The following SLC4A4 variants were observed in gnomAD, a reference collection of about 807,000 sequenced individuals.
SLC4A4 encodes the protein solute carrier family 4 member 4.
Under a neutral mutation model 111.5 loss-of-function variants are expected in SLC4A4, and 27 were observed. The ratio of observed to expected loss-of-function variants is 0.24; its 90% confidence interval spans 0.18 to 0.33. The LOEUF (loss-of-function observed/expected upper bound fraction) is 0.33, where lower values mean the gene tolerates loss of function less well. Ranked by LOEUF, SLC4A4 falls within the 10% of genes least tolerant of loss-of-function variation. The pLI, the probability that SLC4A4 is intolerant of heterozygous loss-of-function variation, is 1.00. For synonymous variants in SLC4A4, 443 were observed against 463.4 expected, an observed-to-expected ratio of 0.96 and a Z score of 0.57; for missense variants, 909 against 1,315.5, an observed-to-expected ratio of 0.69 and a Z score of 4.78.
chr4:71,393,817 A>T (rs1402267232), intron 6 of SLC4A4, among the ~76,000 whole-genome samples: 1 of 152,230 alleles, frequency 6.6e-6, no homozygotes, highest in African/African-American at 2.4e-5. Context: ...AAATAGGCAC[A>T]TAGACCAATG....
chr4:71,313,812 A>G (rs1219724521), intron 3 of SLC4A4, among the ~76,000 whole-genome samples: 2 of 152,212 alleles, frequency 1.3e-5, no homozygotes, highest in East Asian at 3.8e-4. Context: ...AAACTGTAAA[A>G]ACCCCAGAAG....
At chr4:71,335,695 G>C (rs1316882004) in intron 3 of SLC4A4, among the ~76,000 whole-genome samples, 1 of 152,032 alleles carries the variant, frequency 6.6e-6, no homozygotes, top group African/African-American at 2.4e-5. Context: ...CATTGTGGTG[G>C]GTGCCTGTAG....
At chr4:71,103,723 C>T (rs1012419051) in intron 2 of SLC4A4, among the ~76,000 whole-genome samples, 1,627 of 151,950 alleles carry the variant, frequency 0.011, 33 homozygotes, top group African/African-American at 0.037. Context: ...TTGAAACCAA[C>T]GAGAACAAAG....
chr4:71,247,186 A>C (rs1271467036), intron 2 of SLC4A4, among the ~76,000 whole-genome samples: 2 of 148,394 alleles, frequency 1.3e-5, no homozygotes, highest in African/African-American at 4.9e-5. Flanking sequence ...TTTTATAACA[A>C]ATATAAATTA....
intron 16 of SLC4A4, among the ~76,000 whole-genome samples, chr4:71,501,715 G>T (rs927374805): frequency 9.9e-5 from 15 of 151,926 alleles, no homozygotes; most frequent in Admixed American, 3.9e-4. Flanking sequence ...AGGCTGGAGT[G>T]CAGTGGTGCC....
At chr4:71,096,369 C>T (rs567228458) in intron 2 of SLC4A4, among the ~76,000 whole-genome samples, 3 of 152,198 alleles carry the variant, frequency 2.0e-5, no homozygotes, top group African/African-American at 7.2e-5. Context: ...CTGAAAAACA[C>T]TGACATTTAG....
intron 11 of SLC4A4, 136 bp downstream of exon 11, chr4:71,451,437 A>G: frequency 4.2e-6 from 3 of 716,400 alleles, no homozygotes; most frequent in Middle Eastern, 2.4e-4. Context: ...TATTTGTCAC[A>G]GGCACTGGGA....
intron 1 of SLC4A4, among the ~76,000 whole-genome samples, chr4:71,079,999 A>C (rs957150815): frequency 2.6e-5 from 4 of 151,988 alleles, no homozygotes; most frequent in Admixed American, 2.6e-4. Context: ...TGCTGCCAGC[A>C]ACACCCCTCT....
chr4:71,257,930 C>G (rs1269420452), intron 3 of SLC4A4, among the ~76,000 whole-genome samples: 1 of 152,150 alleles, frequency 6.6e-6, no homozygotes, highest in Non-Finnish European at 1.5e-5. Context: ...TTTTTCTGTT[C>G]TTTTCAGTTT....
chr4:71,359,753 TAA>T (rs1361104870), intron 6 of SLC4A4, among the ~76,000 whole-genome samples: 1 of 152,216 alleles, frequency 6.6e-6, no homozygotes, highest in Non-Finnish European at 1.5e-5. Context: ...CCTACAGTTT[TAA>T]TAGACCACAA....
At chr4:71,156,987 T>G (rs537824908) in intron 2 of SLC4A4, among the ~76,000 whole-genome samples, 1 of 152,314 alleles carries the variant, frequency 6.6e-6, no homozygotes, top group South Asian at 2.1e-4. Context: ...AGAAAATGTT[T>G]CATGTTCGAG....
intron 6 of SLC4A4, among the ~76,000 whole-genome samples, chr4:71,381,086 A>G (rs1165119992): frequency 6.6e-6 from 1 of 152,186 alleles, no homozygotes; most frequent in Non-Finnish European, 1.5e-5. Flanking sequence ...AGAAAGAGCC[A>G]TTCACTGTGA....
chr4:71,314,708 G>A (rs569896220), intron 3 of SLC4A4, among the ~76,000 whole-genome samples: 2 of 152,236 alleles, frequency 1.3e-5, no homozygotes, highest in Admixed American at 6.5e-5. Flanking sequence ...GTAAGTGGGA[G>A]TTGAATAATG....
At chr4:71,074,195 TG>T (rs1183368003) in intron 1 of SLC4A4, among the ~76,000 whole-genome samples, 1 of 152,130 alleles carries the variant, frequency 6.6e-6, no homozygotes, top group Non-Finnish European at 1.5e-5. Flanking sequence ...TTCTCCATAG[TG>T]ATAAATAATA....
At chr4:71,318,050 TGTCTTTTGAAGAG>T (rs6148509) in intron 3 of SLC4A4, among the ~76,000 whole-genome samples, 4,586 of 152,108 alleles carry the variant, frequency 0.03, 118 homozygotes, top group East Asian at 0.12. Context: ...ACCTCATAAC[TGTCTTTTGAAGAG>T]GTCTTGCAAG....
intron 5 of SLC4A4, among the ~76,000 whole-genome samples, chr4:71,350,539 T>C (rs866771045): frequency 5.3e-5 from 8 of 151,990 alleles, no homozygotes; most frequent in Admixed American, 4.6e-4. Context: ...CACTTGTACC[T>C]TATGTACTTC....
intron 8 of SLC4A4, 51 bp from the exon 9 acceptor site, chr4:71,447,595 G>T (rs985313595): frequency 2.8e-5 from 31 of 1,113,124 alleles, no homozygotes; most frequent in African/African-American, 4.6e-5. Flanking sequence ...TATGTATGTT[G>T]AGTTTGATGA....
chr4:71,229,900 G>GAAC (rs1719303904), intron 1 of SLC4A4, among the ~76,000 whole-genome samples: 1 of 147,462 alleles, frequency 6.8e-6, no homozygotes, highest in African/African-American at 2.5e-5. Flanking sequence ...TCCCTGTAGT[G>GAAC]AACACATGTT....
chr4:71,120,814 G>A (rs185119889), intron 2 of SLC4A4, among the ~76,000 whole-genome samples: 13 of 152,334 alleles, frequency 8.5e-5, no homozygotes, highest in Non-Finnish European at 1.3e-4. Flanking sequence ...CGGCCTCTGT[G>A]CCCACTCTGG....
Sources: gnomAD v4.1 joint callset for allele counts (sites outside exome capture counted in the v4.1 genomes callset) on GRCh38, gnomAD v4.1.1 for gene constraint, MANE v1.5 for transcripts, NCBI Gene and HGNC (gene_info 2026-07-23, HGNC 2026-07-21) for gene names.